ARFGEF2: variants seen among roughly 807,000 people sequenced by gnomAD.
The protein encoded by ARFGEF2 is brefeldin A-inhibited guanine nucleotide-exchange protein 2.
In ARFGEF2, 74 loss-of-function variants were observed where a neutral mutation model predicts 219.9. The ratio of observed to expected loss-of-function variants is 0.34; its 90% CI spans 0.28 to 0.41. The LOEUF (loss-of-function observed/expected upper bound fraction) is 0.41. Among genes scored for constraint, ARFGEF2 ranks in the 10% least tolerant of loss-of-function variants. The probability of loss-of-function intolerance (pLI) is 1.00; values close to 1 mark genes in which losing one functional copy is unlikely to be tolerated. For missense variants in ARFGEF2, 1,743 were observed against 2,218.3 expected (o/e 0.79, Z 4.30); for synonymous variants, 733 against 799.2 (o/e 0.92, Z 1.40).
chr20:49,018,219 T>C (rs116797726), intron 33 of ARFGEF2, among the ~76,000 whole-genome samples: 4 of 152,092 alleles, frequency 2.6e-5, no homozygotes, highest in Non-Finnish European at 5.9e-5. Context: ...TGCTGTTAAA[T>C]TTTTTTATTT....
intron 15 of ARFGEF2, among the ~76,000 whole-genome samples, chr20:48,985,072 A>G (rs2091319392): frequency 6.6e-6 from 1 of 152,152 alleles, no homozygotes; most frequent in Non-Finnish European, 1.5e-5. Context: ...AGGTGGCTGC[A>G]TATTTGCTGG....
At chr20:48,965,162 A>G (rs985246204) in intron 7 of ARFGEF2, among the ~76,000 whole-genome samples, 1 of 152,218 alleles carries the variant, frequency 6.6e-6, no homozygotes, top group Non-Finnish European at 1.5e-5. Flanking sequence ...AAGTCATCAC[A>G]TAATGGATGT....
chr20:48,936,533 T>C (rs1481942952), intron 1 of ARFGEF2, among the ~76,000 whole-genome samples: 1 of 150,424 alleles, frequency 6.6e-6, no homozygotes, highest in East Asian at 1.9e-4. Flanking sequence ...ACTTCTCTCT[T>C]TTTTTTTTGA....
intron 13 of ARFGEF2, 53 bp from the exon 14 acceptor site, chr20:48,975,963 G>A (rs1372241301): frequency 6.3e-7 from 1 of 1,591,856 alleles, no homozygotes; most frequent in Non-Finnish European, 8.6e-7. Context: ...TAGCTCGGCT[G>A]TGTCTGTGTC....
rs544074528 is a variant in ARFGEF2, at chr20:48,946,005, C to T, written c.276+4018C>T. On this transcript the variant is annotated intron_variant, in intron 3 of 38. Coordinates refer to ENST00000371917, the MANE Select transcript of ARFGEF2 (RefSeq NM_006420.3). Reference sequence around the variant, plus strand: ...CTTTTTATGACATGAGAAAGTGGCTCGGTGCTCCCTGGGCTACTGAATGGA... The same window carrying T: ...CTTTTTATGACATGAGAAAGTGGCTTGGTGCTCCCTGGGCTACTGAATGGA... Among the ~76,000 whole-genome samples, 21 of 152,258 alleles carry T rather than the reference C, an allele frequency of 1.4e-4. No individual in the cohort carries two copies. The South Asian group carries it at 1.9e-3, about 14-fold the overall frequency.
chr20:48,950,821 T>G (rs1238424910), intron 3 of ARFGEF2, among the ~76,000 whole-genome samples: 2 of 91,840 alleles, frequency 2.2e-5, no homozygotes, highest in African/African-American at 1.2e-4. Flanking sequence ...AATATATATA[T>G]ATATATATAT....
At chr20:49,017,574 G>T (rs928973446) in intron 33 of ARFGEF2, 24 bp downstream of exon 33, 1 of 1,613,296 alleles carries the variant, frequency 6.2e-7, no homozygotes, top group Non-Finnish European at 8.5e-7. Flanking sequence ...TTTTTCTTTG[G>T]TTGTCTTTTC....
intron 6 of ARFGEF2, among the ~76,000 whole-genome samples, chr20:48,962,349 A>G (rs1287917833): frequency 2.0e-5 from 3 of 152,212 alleles, no homozygotes; most frequent in Non-Finnish European, 4.4e-5. Context: ...TTGTGCTGTG[A>G]CATAATGACG....
intron 35 of ARFGEF2, among the ~76,000 whole-genome samples, chr20:49,024,769 G>A (rs1335810946): frequency 6.6e-6 from 1 of 152,142 alleles, no homozygotes; most frequent in African/African-American, 2.4e-5. Flanking sequence ...GGAGGCCGAG[G>A]CAGGCGGATC....
At chr20:49,023,007 T>C in intron 34 of ARFGEF2, 44 bp from the exon 35 acceptor site, 3 of 1,612,984 alleles carry the variant, frequency 1.9e-6, no homozygotes, top group Non-Finnish European at 2.5e-6. Context: ...TTCTTCAGTA[T>C]TGGCTGAATC....
At chr20:48,984,090 T>C (rs1022630183) in intron 14 of ARFGEF2, among the ~76,000 whole-genome samples, 3 of 150,980 alleles carry the variant, frequency 2.0e-5, no homozygotes, top group Admixed American at 2.0e-4. Flanking sequence ...CAAAATAACA[T>C]GCTTAACTAT....
chr20:48,946,663 C>T (rs1177104443), intron 3 of ARFGEF2, among the ~76,000 whole-genome samples: 1 of 151,924 alleles, frequency 6.6e-6, no homozygotes, highest in Non-Finnish European at 1.5e-5. Context: ...GTAGCTGGGA[C>T]CACGGGCTAA....
rs750565050 is a variant in ARFGEF2 at position 48,953,585 on chromosome 20, A to C, written c.633A>C (p.Pro211=). The C allele has an allele frequency of 6.2e-7, 1 of 1,614,196 alleles. No individual in the cohort carries two copies. Among genetic ancestry groups the C allele is most frequent in the Admixed American group, 1.7e-5 (1 of 60,028 alleles). The change falls in exon 6 of 39, where the codon CCA becomes CCC. Residue 211 remains proline (P), a synonymous_variant. Transcript: ENST00000371917. ...VLQEARELEK[P]IQSKPQSPVI... is the part of the protein sequence containing the mutation. ...AGGAGGCCAGAGAACTGGAAAAACC[A>C]ATCCAGTCAAAACCCCAGTCCCCTG...
chr20:48,949,794 A>G (rs1165675558), intron 3 of ARFGEF2, among the ~76,000 whole-genome samples: 1 of 152,162 alleles, frequency 6.6e-6, no homozygotes, highest in African/African-American at 2.4e-5. Flanking sequence ...GGGCAGAAGC[A>G]TGTGACCAGT....
In ARFGEF2 at chr20:48,962,420, T is replaced by TA. The variant is rs558811183; in HGVS notation, c.839-1409dup. Among the ~76,000 whole-genome samples the TA allele has an allele frequency of 2.8e-3, 433 of 152,276 alleles. 3 individuals are homozygous for TA. The highest frequency in any genetic ancestry group is 5.1e-3 in the Non-Finnish European group (350 of 68,020). ...TCCATTTGTAATCTTCCTGGACCAC[T>TA]ATTGTATATGTGGTTCCTCATTGAC... On this transcript the variant is annotated intron_variant, in intron 6 of 38. Coordinates refer to ENST00000371917, the MANE Select transcript of ARFGEF2 (RefSeq NM_006420.3).
At chr20:48,998,284 G>C (rs757275752) in intron 24 of ARFGEF2, 51 bp downstream of exon 24, 3 of 1,614,166 alleles carry the variant, frequency 1.9e-6, no homozygotes, top group Non-Finnish European at 1.7e-6. Context: ...CGCTGTGACC[G>C]TCTGACTGTT....
chr20:49,025,454 G>T lies in ARFGEF2; in HGVS notation c.4897G>T (p.Glu1633Ter). 1 of 1,613,970 alleles carries T rather than the reference G, an allele frequency of 6.2e-7. No homozygotes were observed. Among genetic ancestry groups the T allele is most frequent in the South Asian group, 1.1e-5 (1 of 91,040 alleles). Residue 1633 changes from glutamate (E) to a stop codon, truncating the protein, a stop_gained, in exon 36 of 39, where the codon GAG becomes TAG. Transcript: ENST00000371917. LOFTEE classifies it high-confidence loss of function. ...CTCAAAGGCCTTCAACTCCAATTACGAGCAGCGGACTGTCCTGTGGCGAGC... is the reference window on the plus strand; with the variant it reads ...CTCAAAGGCCTTCAACTCCAATTACTAGCAGCGGACTGTCCTGTGGCGAGC... ...SFSKAFNSNY[E>*]QRTVLWRAGF...
intron 1 of ARFGEF2, among the ~76,000 whole-genome samples, chr20:48,934,570 G>T (rs1219346674): frequency 6.6e-6 from 1 of 152,050 alleles, no homozygotes; most frequent in African/African-American, 2.4e-5. Flanking sequence ...TGTTCTCATT[G>T]TTCAGCTCCC....
At chr20:49,001,185 A>G (rs1048484984) in intron 25 of ARFGEF2, among the ~76,000 whole-genome samples, 3 of 149,348 alleles carry the variant, frequency 2.0e-5, no homozygotes, top group Non-Finnish European at 4.4e-5. Flanking sequence ...GACTACACAC[A>G]TGCATCACCA....
Sources: gnomAD v4.1 joint callset for allele counts (sites outside exome capture counted in the v4.1 genomes callset) on GRCh38, gnomAD v4.1.1 for gene constraint, MANE v1.5 for transcripts, NCBI Gene and HGNC (gene_info 2026-07-23, HGNC 2026-07-21) for gene names.